Variants in VDAC2 observed in about 807,000 individuals in gnomAD.
The protein encoded by VDAC2 is voltage dependent anion channel 2.
Under a neutral mutation model 36.6 loss-of-function variants are expected in VDAC2, and 6 were observed. The ratio of observed to expected loss-of-function variants is 0.16; its 90% CI spans 0.09 to 0.32. VDAC2 has a LOEUF of 0.32. Ranked by LOEUF, VDAC2 falls within the 10% of genes least tolerant of loss-of-function variation. The pLI, the probability that VDAC2 is intolerant of heterozygous loss-of-function variation, is 1.00. For synonymous variants in VDAC2, 109 were observed against 123.8 expected (o/e 0.88, Z 0.79); for missense variants, 247 against 346.0 (o/e 0.71, Z 2.27).
At chr10:75,215,383 G>T (rs186746290) in intron 4 of VDAC2, among the ~76,000 whole-genome samples, 35 of 147,482 alleles carry the variant, frequency 2.4e-4, no homozygotes, top group African/African-American at 7.8e-4. Flanking sequence ...ACGGAGTCTT[G>T]CACTGTCACC....
intron 3 of VDAC2, among the ~76,000 whole-genome samples, chr10:75,212,748 A>G (rs1360207474): frequency 6.6e-6 from 1 of 152,208 alleles, no homozygotes; most frequent in Non-Finnish European, 1.5e-5. Flanking sequence ...AACTTATGTG[A>G]AAATAGTTCT....
chr10:75,230,455 G>A (rs1169911792), intron 9 of VDAC2, among the ~76,000 whole-genome samples: 4 of 152,118 alleles, frequency 2.6e-5, no homozygotes, highest in Non-Finnish European at 5.9e-5. Flanking sequence ...CTAAGAGTAA[G>A]ACATTTTTCT....
chr10:75,218,115 C>G, intron 4 of VDAC2: 1 of 370,014 alleles, frequency 2.7e-6, no homozygotes, highest in South Asian at 2.1e-5. Context: ...TTCAGATAAG[C>G]CCTCCGTATT....
chr10:75,225,408 A>G (rs1466242670), intron 8 of VDAC2, among the ~76,000 whole-genome samples: 2 of 152,234 alleles, frequency 1.3e-5, no homozygotes, highest in Non-Finnish European at 2.9e-5. Context: ...CCCTTGTTAC[A>G]AACAGGTTTT....
intron 4 of VDAC2, among the ~76,000 whole-genome samples, chr10:75,218,715 T>G (rs1841689179): frequency 6.6e-6 from 1 of 151,220 alleles, no homozygotes; most frequent in Non-Finnish European, 1.5e-5. Context: ...TATGCCGAGA[T>G]CACGCCACTG....
chr10:75,221,522 G>A (rs1841813278), intron 7 of VDAC2, among the ~76,000 whole-genome samples: 1 of 152,062 alleles, frequency 6.6e-6, no homozygotes, highest in Admixed American at 6.5e-5. Context: ...TGGTAGAGAC[G>A]GGGTTTCACC....
rs1477305331 is a variant in VDAC2 at position 75,231,176 on chromosome 10, AC to A, written c.*189del. On this transcript the variant is annotated 3_prime_UTR_variant, in exon 10 of 10. Coordinates refer to ENST00000332211, the MANE Select transcript of VDAC2 (RefSeq NM_001391963.1). The stretch of plus-strand genomic sequence containing the variant: ...CTGGTTTCTAGTTGGTTATCTAGTT[AC>A]CAATGCTGCAGTCCTGCAGTCACCT... 7.1e-6 allele frequency: 4 copies of A among 560,360 alleles called. No individual in the cohort carries two copies. The African/African-American group carries it at 7.7e-5, about 11-fold the overall frequency. 34.7% of individuals were successfully genotyped at this position (560,360 alleles called of 1,614,324 possible).
At chr10:75,230,778 A>T in intron 9 of VDAC2, 120 bp from the exon 10 acceptor site, 3 of 795,164 alleles carry the variant, frequency 3.8e-6, no homozygotes, top group East Asian at 2.9e-5. Flanking sequence ...CTAGTAGGTC[A>T]GCTGACAGGC....
chr10:75,219,397 T>C (rs1419206992), intron 6 of VDAC2, 41 bp downstream of exon 6: 1 of 1,492,484 alleles, frequency 6.7e-7, no homozygotes, highest in Admixed American at 1.9e-5. Flanking sequence ...TTTAAAAGTA[T>C]TTCTCTTTTG....
chr10:75,216,460 C>A (rs971241908), intron 4 of VDAC2, among the ~76,000 whole-genome samples: 6 of 152,150 alleles, frequency 3.9e-5, no homozygotes, highest in Non-Finnish European at 8.8e-5. Context: ...TGTTTTTATT[C>A]ACATTTAATA....
rs990078152 is a variant in VDAC2, at chr10:75,229,800, G to A, written c.793+99G>A. 9.3e-6 allele frequency: 8 copies of A among 860,026 alleles called. No individual in the cohort carries two copies. The African/African-American group carries it at 1.4e-4, about 15-fold the overall frequency. The allele number at this position is 860,026 out of a possible 1,614,324, so 53.3% of individuals were successfully genotyped here. On this transcript the variant is annotated intron_variant, in intron 9 of 9. Transcript: ENST00000332211. The stretch of plus-strand genomic sequence containing the variant: ...TCAGACCTTTCAAGCACACAGAAGA[G>A]TTGAAAGAAGAGTACAATAAATACG...
intron 8 of VDAC2, among the ~76,000 whole-genome samples, chr10:75,227,047 C>T (rs974660168): frequency 1.6e-4 from 25 of 152,324 alleles, no homozygotes; most frequent in African/African-American, 5.8e-4. Flanking sequence ...ACATTCATGT[C>T]ATGGGAGGGT....
chr10:75,226,773 T>C (rs900177164), intron 8 of VDAC2, among the ~76,000 whole-genome samples: 1 of 152,188 alleles, frequency 6.6e-6, no homozygotes, highest in Non-Finnish European at 1.5e-5. Context: ...TATGTTGTTA[T>C]TTTTAACAGG....
rs558166724 is a variant in VDAC2, at chr10:75,227,997, C to A, written c.736-1647C>A. On this transcript the variant is annotated intron_variant, in intron 8 of 9. Coordinates refer to ENST00000332211, the MANE Select transcript of VDAC2 (RefSeq NM_001391963.1). The stretch of plus-strand genomic sequence containing the variant: ...GCAACCTCCGCCTCCCGGGTTCACG[C>A]CTTTCTCCTGCCTTAGCCTCCCGAG... Among the ~76,000 whole-genome samples the A allele has an allele frequency of 3.3e-5, 5 of 151,106 alleles. No individual in the cohort carries two copies. The East Asian group carries it at 7.8e-4, about 24-fold the overall frequency.
chr10:75,220,352 G>A (rs1468611841), intron 6 of VDAC2, among the ~76,000 whole-genome samples: 2 of 152,072 alleles, frequency 1.3e-5, no homozygotes, highest in Middle Eastern at 3.4e-3. Context: ...CAGGTGATCC[G>A]CCCGCCTCAG....
rs45451793 is a variant in VDAC2, at chr10:75,211,318, C to T, written c.31+129C>T. On this transcript the variant is annotated intron_variant, in intron 2 of 9. Coordinates refer to ENST00000332211, the MANE Select transcript of VDAC2 (RefSeq NM_001391963.1). ...TCGGCTGCTTTTGGTGGTCGCCCCACCGTCTGACCACCTCCTCTGCGGAGG... is the reference window on the plus strand; with the variant it reads ...TCGGCTGCTTTTGGTGGTCGCCCCATCGTCTGACCACCTCCTCTGCGGAGG... The T allele has an allele frequency of 6.8e-3, 9,661 of 1,427,734 alleles. 60 individuals are homozygous for T. The highest frequency in any genetic ancestry group is 7.6e-3 in the Non-Finnish European group (7,998 of 1,054,524). 88.4% of individuals were successfully genotyped at this position (1,427,734 alleles called of 1,614,324 possible). A position where few individuals can be genotyped will look rare whatever the true frequency, so the allele number is the denominator to read the frequency against.
Position 75,214,003 on chromosome 10 carries a change from GCTGT to G in VDAC2, c.101-15_101-12del, listed in dbSNP as rs777293616. 1.2e-4 allele frequency: 194 copies of G among 1,612,076 alleles called. No homozygotes were observed. Among genetic ancestry groups the G allele is most frequent in the Non-Finnish European group, 1.4e-4 (170 of 1,178,850 alleles). On this transcript the variant is annotated splice_polypyrimidine_tract_variant and intron_variant, in intron 3 of 9. Transcript: ENST00000332211. ...ACAAAGGAATCATTTTGTTTCTTTT[GCTGT>G]CTATTTGTTGAAGGTTTTGGGTTGG...
At position 75,230,980 on chromosome 10, in the gene VDAC2, G is replaced by A; in HGVS notation, c.876G>A (p.Leu292=). The change falls in exon 10 of 10, where the codon TTG becomes TTA. Residue 292 remains leucine, a synonymous_variant. Transcript: ENST00000332211. ...GGHKVGLALE[L]EA ...ACAAGGTTGGGCTCGCCCTGGAGTT[G>A]GAGGCTTAATCCAGCTGAAAGAAAC... is the stretch of plus-strand genomic sequence containing the variant. 1 of 1,611,670 alleles carries A rather than the reference G, an allele frequency of 6.2e-7. No individual in the cohort carries two copies. The highest frequency in any genetic ancestry group is 8.5e-7 in the Non-Finnish European group (1 of 1,179,254).
At chr10:75,218,124 T>A in intron 4 of VDAC2, 1 of 363,168 alleles carries the variant, frequency 2.8e-6, no homozygotes. Flanking sequence ...GCCCTCCGTA[T>A]TTTTTCTTTT....
Sources: gnomAD v4.1 joint callset for allele counts (sites outside exome capture counted in the v4.1 genomes callset) on GRCh38, gnomAD v4.1.1 for gene constraint, MANE v1.5 for transcripts, NCBI Gene and HGNC (gene_info 2026-07-23, HGNC 2026-07-21) for gene names.